The following CELF2 variants were observed in gnomAD, a reference collection of about 807,000 sequenced individuals.
The protein encoded by CELF2 is CUGBP Elav-like family member 2, also known as CUG triplet repeat RNA-binding protein 2.
Under a neutral mutation model 62.6 loss-of-function variants are expected in CELF2, and 8 were observed. That is an observed-to-expected ratio of 0.13 (90% CI 0.07 to 0.23). The LOEUF (loss-of-function observed/expected upper bound fraction) is 0.23, where lower values mean the gene tolerates loss of function less well. CELF2 is among the 10% of genes least tolerant of loss of function. The pLI, the probability that CELF2 is intolerant of heterozygous loss-of-function variation, is 1.00. For missense variants in CELF2, 333 were observed against 671.0 expected (o/e 0.50, Z 5.56); for synonymous variants, 258 against 250.0 (o/e 1.03, Z -0.30).
intron 1 of CELF2, among the ~76,000 whole-genome samples, chr10:11,130,844 G>A (rs746584209): frequency 4.6e-5 from 7 of 152,160 alleles, no homozygotes; most frequent in African/African-American, 7.2e-5. Flanking sequence ...CACAACAGAT[G>A]TGGCAACATT....
At chr10:11,174,334 A>C (rs2070186204) in intron 2 of CELF2, among the ~76,000 whole-genome samples, 1 of 152,188 alleles carries the variant, frequency 6.6e-6, no homozygotes, top group Non-Finnish European at 1.5e-5. Flanking sequence ...TACACTGGGG[A>C]ATGCTGTAAT....
chr10:10,614,295 C>T, the CELF2 span, among the ~76,000 whole-genome samples: 1 of 152,048 alleles, frequency 6.6e-6, no homozygotes, highest in Non-Finnish European at 1.5e-5. Flanking sequence ...TGCTAGCATT[C>T]CCGCTCTACC....
At position 11,073,647 on chromosome 10, in the gene CELF2, G is replaced by A. The variant is rs191736870; in HGVS notation, c.74+55484G>A. 2.7e-4 allele frequency among the ~76,000 whole-genome samples: 41 copies of A among 152,316 alleles called. 1 individual carries two copies. The East Asian group carries it at 7.5e-3, about 28-fold the overall frequency. On this transcript the variant is annotated intron_variant, in intron 1 of 12. Coordinates refer to ENST00000633077, the MANE Select transcript of CELF2 (RefSeq NM_001326342.2). ...GGTTTTTATATTTCACTCAATTGTG[G>A]TTCACTGGTTAACGGTGACCATGGC...
intron 1 of CELF2, among the ~76,000 whole-genome samples, chr10:11,155,845 C>T (rs1161282607): frequency 6.6e-6 from 1 of 152,198 alleles, no homozygotes; most frequent in African/African-American, 2.4e-5. Context: ...CCTTCCTTAG[C>T]CTGGCGTTTC....
At chr10:10,843,589 G>A (rs1010903846) in intron 1 of CELF2, among the ~76,000 whole-genome samples, 2 of 151,888 alleles carry the variant, frequency 1.3e-5, no homozygotes, top group Non-Finnish European at 2.9e-5. Flanking sequence ...GGCTCATAAT[G>A]GGATCTATCT....
At chr10:10,618,053 C>T in the CELF2 span, among the ~76,000 whole-genome samples, 1 of 152,044 alleles carries the variant, frequency 6.6e-6, no homozygotes, top group Non-Finnish European at 1.5e-5. Context: ...GCAGCTCTCT[C>T]CACCCCCAGG....
intron 3 of CELF2, among the ~76,000 whole-genome samples, chr10:11,235,681 G>A (rs1261254271): frequency 6.6e-6 from 1 of 152,168 alleles, no homozygotes; most frequent in Non-Finnish European, 1.5e-5. Flanking sequence ...AAATGTAGCT[G>A]CTGAAAACAA....
At chr10:10,598,751 C>CTTTTT in the CELF2 span, among the ~76,000 whole-genome samples, 146 of 69,592 alleles carry the variant, frequency 2.1e-3, 6 homozygotes, top group Admixed American at 3.0e-3. Flanking sequence ...CTTTTTCTTT[C>CTTTTT]TTTTTTTTTT....
chr10:10,798,561 A>C (rs1265105533), upstream of CELF2: 2 of 393,078 alleles, frequency 5.1e-6, no homozygotes, highest in Admixed American at 4.4e-5. Flanking sequence ...GGTGGTGTGG[A>C]GCTGGGAGCC....
At chr10:11,101,321 A>G (rs2051558340) in intron 1 of CELF2, among the ~76,000 whole-genome samples, 1 of 152,220 alleles carries the variant, frequency 6.6e-6, no homozygotes, top group Non-Finnish European at 1.5e-5. Context: ...ACAGATCGGT[A>G]TGTCATAAGA....
rs76990750 is a variant in CELF2 at position 11,039,461 on chromosome 10, T to G, written c.74+21298T>G. Among the ~76,000 whole-genome samples, 1,509 of 152,344 alleles carry G rather than the reference T, an allele frequency of 9.9e-3. 25 individuals carry two copies. The highest frequency in any genetic ancestry group is 0.034 in the African/African-American group (1,404 of 41,564). On this transcript the variant is annotated intron_variant, in intron 1 of 12. Coordinates refer to ENST00000633077, the MANE Select transcript of CELF2 (RefSeq NM_001326342.2). This position sits in a 1 kb window ranked among gnomAD's most constrained non-coding sequence, Gnocchi z 4.1. ...ATTATACCATTAGGGTGGTGAGCTA[T>G]GTAGTCACGGTCACAGTGTGTACTC...
intron 1 of CELF2, among the ~76,000 whole-genome samples, chr10:11,040,824 A>G (rs1311154514): frequency 6.6e-6 from 1 of 152,198 alleles, no homozygotes; most frequent in African/African-American, 2.4e-5. Context: ...TATCAAAAAT[A>G]TTCAATATTT....
intron 2 of CELF2, among the ~76,000 whole-genome samples, chr10:10,964,069 T>C (rs1424360998): frequency 1.3e-5 from 2 of 152,200 alleles, no homozygotes; most frequent in Admixed American, 1.3e-4. Flanking sequence ...TAGTACAATA[T>C]TAGCATTATA....
At chr10:11,250,606 G>A (rs2076855667) in intron 4 of CELF2, among the ~76,000 whole-genome samples, 1 of 152,188 alleles carries the variant, frequency 6.6e-6, no homozygotes, top group Non-Finnish European at 1.5e-5. Context: ...CTGCAGCACT[G>A]AATAGAAAAA....
At chr10:10,774,859 A>T in the CELF2 span, among the ~76,000 whole-genome samples, 1 of 149,374 alleles carries the variant, frequency 6.7e-6, no homozygotes, top group African/African-American at 2.5e-5. Flanking sequence ...ATATTTATTT[A>T]TTTACTTTTA....
At chr10:10,616,979 A>C in the CELF2 span, among the ~76,000 whole-genome samples, 1 of 151,826 alleles carries the variant, frequency 6.6e-6, no homozygotes, top group Non-Finnish European at 1.5e-5. Flanking sequence ...CTGGTCTCAA[A>C]CTCCCAGGCT....
At chr10:10,666,633 C>T in the CELF2 span, among the ~76,000 whole-genome samples, 7 of 134,094 alleles carry the variant, frequency 5.2e-5, 3 homozygotes, top group South Asian at 2.1e-3. Context: ...GAGGCCGAGG[C>T]GGGCGGATCA....
chr10:10,778,545 G>C, the CELF2 span, among the ~76,000 whole-genome samples: 7 of 152,180 alleles, frequency 4.6e-5, no homozygotes, highest in African/African-American at 1.7e-4. Flanking sequence ...TCTTATAGTT[G>C]AGAGTTGTGA....
At chr10:10,953,076 T>A (rs1056984812) in intron 2 of CELF2, among the ~76,000 whole-genome samples, 4 of 152,228 alleles carry the variant, frequency 2.6e-5, no homozygotes, top group Admixed American at 6.5e-5. Context: ...CATGGATGAA[T>A]GGTTACTCTC....
Sources: allele counts gnomAD v4.1 joint callset (sites outside exome capture counted in the v4.1 genomes callset), GRCh38; gene constraint gnomAD v4.1.1; non-coding constraint Gnocchi (gnomAD v3.1); transcripts MANE v1.5; gene names NCBI Gene and HGNC (gene_info 2026-07-23, HGNC 2026-07-21).